IFNGR2: variants seen among roughly 807,000 people sequenced by gnomAD.
The protein encoded by IFNGR2 is interferon gamma receptor 2, also known as IFN-gamma receptor 2.
A neutral mutation model predicts 41.1 loss-of-function variants in IFNGR2; 15 were observed. That is an observed-to-expected ratio of 0.37 (90% confidence interval 0.24 to 0.56). The LOEUF (loss-of-function observed/expected upper bound fraction) is 0.56. Ranked by LOEUF, IFNGR2 falls within the 20% of genes least tolerant of loss-of-function variation. IFNGR2 has a pLI of 0.81. For synonymous variants in IFNGR2, 161 were observed against 171.6 expected, an observed-to-expected ratio of 0.94 and a Z score of 0.48; for missense variants, 362 against 415.7, an observed-to-expected ratio of 0.87 and a Z score of 1.12.
At chr21:33,433,374 G>A (rs911698027) in intron 6 of IFNGR2, among the ~76,000 whole-genome samples, 1 of 152,182 alleles carries the variant, frequency 6.6e-6, no homozygotes, top group Non-Finnish European at 1.5e-5. Context: ...TGTCGTTGAA[G>A]GATTAATAGA....
chr21:33,412,584 G>A (rs1191766073), intron 1 of IFNGR2, among the ~76,000 whole-genome samples: 1 of 152,168 alleles, frequency 6.6e-6, no homozygotes, highest in Non-Finnish European at 1.5e-5. Context: ...GAGACGGAGT[G>A]CCGCTCTGTC....
chr21:33,409,328 G>A (rs1169687591), intron 1 of IFNGR2, among the ~76,000 whole-genome samples: 1 of 151,918 alleles, frequency 6.6e-6, no homozygotes, highest in African/African-American at 2.4e-5. Context: ...AAATAGCCAG[G>A]CGTGGTAGCA....
At position 33,421,550 on chromosome 21, in the gene IFNGR2, G is replaced by C. The variant is rs1287012312; in HGVS notation, c.277G>C (p.Glu93Gln). 1.2e-6 allele frequency: 2 copies of C among 1,613,964 alleles called. No homozygotes were observed. The highest frequency in any genetic ancestry group is 2.7e-5 in the African/African-American group (2 of 74,878). ...GVNCTQITAT[E>Q]CDFTAASPSA... ...GAATTGTACACAGATCACAGCAACA[G>C]AGTGTGACTTCACTGCCGCCAGTCC... Residue 93 changes from glutamate to glutamine, a missense_variant, in exon 3 of 7, where the codon GAG becomes CAG. Coordinates refer to ENST00000290219, the MANE Select transcript of IFNGR2 (RefSeq NM_005534.4).
At chr21:33,410,985 A>C in intron 1 of IFNGR2, 1 of 930,142 alleles carries the variant, frequency 1.1e-6, no homozygotes. Flanking sequence ...GGTGTTTCCC[A>C]TCGGGGGCCA....
At chr21:33,430,435 ATTTTTAT>A (rs2083876114) in intron 4 of IFNGR2, among the ~76,000 whole-genome samples, 1 of 152,170 alleles carries the variant, frequency 6.6e-6, no homozygotes, top group South Asian at 2.1e-4. Flanking sequence ...TTACTTTTAT[ATTTTTAT>A]TTTTTAATTT....
intron 3 of IFNGR2, among the ~76,000 whole-genome samples, chr21:33,424,933 G>A (rs1230031031): frequency 6.6e-6 from 1 of 151,764 alleles, no homozygotes; most frequent in Non-Finnish European, 1.5e-5. Flanking sequence ...TTGTGAGATG[G>A]AGTTTCACTC....
chr21:33,424,389 G>C lies in IFNGR2; in HGVS notation c.413-2495G>C, dbSNP rs114630659. On this transcript the variant is annotated intron_variant, in intron 3 of 6. Coordinates refer to ENST00000290219, the MANE Select transcript of IFNGR2 (RefSeq NM_005534.4). Reference sequence around the variant, plus strand: ...CAGGATGTATCGTGACAGTGGGTCCGGTGCCAGCCAGCTGCCGCTTCCGGC... The same window carrying C: ...CAGGATGTATCGTGACAGTGGGTCCCGTGCCAGCCAGCTGCCGCTTCCGGC... 5.4e-3 allele frequency among the ~76,000 whole-genome samples: 829 copies of C among 152,244 alleles called. 8 individuals carry two copies. Among genetic ancestry groups the C allele is most frequent in the African/African-American group, 0.019 (792 of 41,552 alleles).
At chr21:33,432,104 GGA>G (rs2083893888) in intron 4 of IFNGR2, 71 bp from the exon 5 acceptor site, 1 of 1,361,730 alleles carries the variant, frequency 7.3e-7, no homozygotes, top group Non-Finnish European at 1.1e-6. Context: ...GTGAATTTGA[GGA>G]AACATCAGAA....
At chr21:33,411,046 T>G (rs1424748121) in intron 1 of IFNGR2, among the ~76,000 whole-genome samples, 1 of 152,254 alleles carries the variant, frequency 6.6e-6, no homozygotes, top group African/African-American at 2.4e-5. Flanking sequence ...CCCCCTGGCC[T>G]ACAAAAAGGA....
chr21:33,431,872 C>T (rs1303335438), intron 4 of IFNGR2, among the ~76,000 whole-genome samples: 1 of 152,204 alleles, frequency 6.6e-6, no homozygotes, highest in Non-Finnish European at 1.5e-5. Flanking sequence ...CCATCCAGCC[C>T]AAAATGTTAA....
At chr21:33,425,881 G>A (rs1398281202) in intron 3 of IFNGR2, among the ~76,000 whole-genome samples, 1 of 152,260 alleles carries the variant, frequency 6.6e-6, no homozygotes, top group Non-Finnish European at 1.5e-5. Context: ...TGAACACACA[G>A]TGACAGGATT....
At chr21:33,430,072 G>A (rs1165799908) in intron 4 of IFNGR2, among the ~76,000 whole-genome samples, 2 of 152,356 alleles carry the variant, frequency 1.3e-5, no homozygotes, top group African/African-American at 4.8e-5. Context: ...CTGGGAGGCA[G>A]AGGTTGCAGT....
At chr21:33,425,776 G>C (rs1455408812) in intron 3 of IFNGR2, among the ~76,000 whole-genome samples, 1 of 152,204 alleles carries the variant, frequency 6.6e-6, no homozygotes, top group Non-Finnish European at 1.5e-5. Flanking sequence ...TACAAACTCA[G>C]CAGTTCTTTT....
intron 1 of IFNGR2, among the ~76,000 whole-genome samples, chr21:33,407,836 T>A: frequency 2.6e-5 from 3 of 116,522 alleles, no homozygotes; most frequent in African/African-American, 6.8e-5. Flanking sequence ...CCTCAAGTGA[T>A]CCCCACCGCA....
At chr21:33,405,103 G>GAAAAAAAAAAAAAA (rs3057379) in intron 1 of IFNGR2, among the ~76,000 whole-genome samples, 1 of 119,834 alleles carries the variant, frequency 8.3e-6, no homozygotes. Context: ...CTCTGTCTCA[G>GAAAAAAAAAAAAAA]AAAAAAAAAA....
chr21:33,421,221 A>G (rs1263289998), intron 2 of IFNGR2, among the ~76,000 whole-genome samples: 2 of 150,816 alleles, frequency 1.3e-5, no homozygotes, highest in Non-Finnish European at 2.9e-5. Context: ...AGTTCCAGCT[A>G]CTCGGGAGGC....
intron 4 of IFNGR2, among the ~76,000 whole-genome samples, chr21:33,429,559 C>G (rs779099297): frequency 1.4e-4 from 22 of 152,116 alleles, no homozygotes; most frequent in Non-Finnish European, 2.6e-4. Context: ...GGTAGGCTTC[C>G]AGGAGCCCTT....
At chr21:33,430,048 A>AGAATTGCT (rs563187375) in intron 4 of IFNGR2, among the ~76,000 whole-genome samples, 110 of 152,336 alleles carry the variant, frequency 7.2e-4, no homozygotes, top group African/African-American at 2.5e-3. Context: ...CTGAGGCAGG[A>AGAATTGCT]GAATTGCTTG....
At chr21:33,422,655 T>G (rs1157953063) in intron 3 of IFNGR2, among the ~76,000 whole-genome samples, 2 of 151,980 alleles carry the variant, frequency 1.3e-5, no homozygotes, top group Non-Finnish European at 2.9e-5. Context: ...GGCAGGCAGA[T>G]CACTTGAGGT....
Sources: gnomAD v4.1 joint callset for allele counts (sites outside exome capture counted in the v4.1 genomes callset) on GRCh38, gnomAD v4.1.1 for gene constraint, MANE v1.5 for transcripts, NCBI Gene and HGNC (gene_info 2026-07-23, HGNC 2026-07-21) for gene names.